The following SETD3 variants were observed in gnomAD, a reference collection of about 807,000 sequenced individuals.
SETD3 encodes actin-histidine N-methyltransferase.
SETD3 carries 19 observed loss-of-function variants against 63.0 expected under a neutral mutation model. That is an observed-to-expected ratio of 0.30 (90% CI 0.21 to 0.44). The LOEUF is 0.44. SETD3 is among the 20% of genes least tolerant of loss of function. The probability of loss-of-function intolerance (pLI) is 1.00; values close to 1 mark genes in which losing one functional copy is unlikely to be tolerated. For missense variants in SETD3, 587 were observed against 728.5 expected (o/e 0.81, Z 2.24); for synonymous variants, 286 against 264.1 (o/e 1.08, Z -0.80).
At chr14:99,410,027 G>C (rs1430528148) in intron 8 of SETD3, 2 of 541,824 alleles carry the variant, frequency 3.7e-6, no homozygotes, top group Non-Finnish European at 6.7e-6. Flanking sequence ...GAAACAAGCG[G>C]ATCTGGACAA....
chr14:99,455,252 C>T (rs1230625295), intron 6 of SETD3, among the ~76,000 whole-genome samples: 2 of 152,216 alleles, frequency 1.3e-5, no homozygotes, highest in Non-Finnish European at 2.9e-5. Context: ...ATGCTCCTTC[C>T]TGTGAAGTCC....
chr14:99,479,314 T>C (rs1487906051), intron 1 of SETD3, among the ~76,000 whole-genome samples: 1 of 152,176 alleles, frequency 6.6e-6, no homozygotes, highest in Non-Finnish European at 1.5e-5. Flanking sequence ...GAAGAAAAAC[T>C]CCTCGGTAAA....
chr14:99,415,986 A>T (rs1892271067), intron 6 of SETD3, among the ~76,000 whole-genome samples: 2 of 152,208 alleles, frequency 1.3e-5, no homozygotes, highest in Non-Finnish European at 2.9e-5. Context: ...GCTTATCAAA[A>T]ACAGCTACTA....
intron 6 of SETD3, among the ~76,000 whole-genome samples, chr14:99,445,045 T>C (rs1371196641): frequency 6.6e-6 from 1 of 152,116 alleles, no homozygotes; most frequent in African/African-American, 2.4e-5. Context: ...TCAAAAACAG[T>C]GTTCAGGCCA....
At chr14:99,460,450 C>T (rs898675117) in intron 4 of SETD3, among the ~76,000 whole-genome samples, 3 of 152,062 alleles carry the variant, frequency 2.0e-5, no homozygotes, top group African/African-American at 7.2e-5. Context: ...ATCCCCACCG[C>T]CCTCCCCACA....
chr14:99,444,222 A>G (rs147596067), intron 6 of SETD3: 1 of 152,208 alleles, frequency 6.6e-6, no homozygotes, highest in Non-Finnish European at 1.5e-5. Flanking sequence ...GCCATTCACA[A>G]GGCTATTTCA....
chr14:99,414,589 A>G (rs1172272139), intron 6 of SETD3, among the ~76,000 whole-genome samples: 1 of 152,252 alleles, frequency 6.6e-6, no homozygotes, highest in Non-Finnish European at 1.5e-5. Context: ...TTTAAATTTT[A>G]CTTCTTTCCT....
chr14:99,465,848 C>T, intron 1 of SETD3, 35 bp from the exon 2 acceptor site: 11 of 1,439,636 alleles, frequency 7.6e-6, no homozygotes, highest in Non-Finnish European at 1.1e-5. Flanking sequence ...AAAAAAATTA[C>T]ATTACCAAAG....
chr14:99,405,481 G>A, intron 9 of SETD3, 110 bp from the exon 10 acceptor site: 1 of 1,139,570 alleles, frequency 8.8e-7, no homozygotes, highest in Non-Finnish European at 1.2e-6. Flanking sequence ...ACACTAAATA[G>A]CTGAAAGTAT....
chr14:99,461,375 C>T, intron 3 of SETD3, 35 bp from the exon 4 acceptor site: 1 of 1,597,442 alleles, frequency 6.3e-7, no homozygotes, highest in Non-Finnish European at 8.5e-7. Context: ...ACAAGAGCTA[C>T]TTTTAGGACA....
chr14:99,483,894 T>C (rs962552527), upstream of SETD3, among the ~76,000 whole-genome samples: 4 of 152,216 alleles, frequency 2.6e-5, no homozygotes, highest in Non-Finnish European at 4.4e-5. Context: ...AGCGTGATTC[T>C]CAAGTTAATA....
At chr14:99,432,303 A>G (rs1004599765) in intron 6 of SETD3, among the ~76,000 whole-genome samples, 1 of 152,230 alleles carries the variant, frequency 6.6e-6, no homozygotes, top group African/African-American at 2.4e-5. Flanking sequence ...TCTGAATTGA[A>G]TATTTTGTGC....
In SETD3 at chr14:99,480,798, C is replaced by A; in HGVS notation, c.-79G>T. 1 of 161,872 alleles carries A rather than the reference C, an allele frequency of 6.2e-6. No homozygotes were observed. Among genetic ancestry groups the A allele is most frequent in the Non-Finnish European group, 1.3e-5 (1 of 76,864 alleles). 10.0% of individuals were successfully genotyped at this position (161,872 alleles called of 1,614,324 possible). A position where few individuals can be genotyped will look rare whatever the true frequency, so the allele number is the denominator to read the frequency against. ...GACCCCGCCGTCCGCCTCAACCAAC[C>A]CCCAGGCGGTGGCGGCGGTGGCGGC... is the stretch of plus-strand genomic sequence containing the variant. On this transcript the variant is annotated 5_prime_UTR_variant, in exon 1 of 13. Coordinates refer to ENST00000331768, the MANE Select transcript of SETD3 (RefSeq NM_032233.3).
intron 6 of SETD3, among the ~76,000 whole-genome samples, chr14:99,454,854 A>AC (rs1316303561): frequency 1.3e-5 from 2 of 152,072 alleles, no homozygotes; most frequent in African/African-American, 4.8e-5. Flanking sequence ...AGGGAGCTTC[A>AC]CCCCACCATT....
intron 6 of SETD3, among the ~76,000 whole-genome samples, chr14:99,427,203 C>T (rs892214208): frequency 1.3e-5 from 2 of 152,212 alleles, no homozygotes; most frequent in Admixed American, 6.5e-5. Context: ...GCACATGATG[C>T]TGACAAGGAA....
At position 99,413,891 on chromosome 14, in the gene SETD3, G is replaced by C. The variant is rs766014017; in HGVS notation, c.719C>G (p.Thr240Ser). The change falls in exon 7 of 13, where the codon ACT (threonine) becomes AGT (serine). Residue 240 changes from threonine to serine, a missense_variant. Thr to Ser is a moderately conservative substitution (Grantham distance 58, BLOSUM62 1). Coordinates refer to ENST00000331768, the MANE Select transcript of SETD3 (RefSeq NM_032233.3). ...CCACACCAACCTGTAGTCCTCGTAA[G>C]TGAAAGAATCCTTCAAGGGTAGTTT... ...ANKLPLKDSF[T>S]YEDYRWAVSS... is the part of the protein sequence containing the mutation. 8.7e-6 allele frequency: 14 copies of C among 1,614,058 alleles called. No individual in the cohort carries two copies. The East Asian group carries it at 3.1e-4, about 36-fold the overall frequency.
chr14:99,433,750 A>C (rs988383893), intron 6 of SETD3, among the ~76,000 whole-genome samples: 1 of 152,208 alleles, frequency 6.6e-6, no homozygotes, highest in Non-Finnish European at 1.5e-5. Context: ...AAAATTCTTT[A>C]ATGAGCGTAA....
At chr14:99,459,559 C>T (rs902755036) in intron 4 of SETD3, among the ~76,000 whole-genome samples, 1 of 152,162 alleles carries the variant, frequency 6.6e-6, no homozygotes, top group Non-Finnish European at 1.5e-5. Context: ...AAACAAAATT[C>T]CTGCCTCCAA....
chr14:99,431,229 T>C (rs1472078161), intron 6 of SETD3, among the ~76,000 whole-genome samples: 1 of 152,222 alleles, frequency 6.6e-6, no homozygotes, highest in Non-Finnish European at 1.5e-5. Context: ...TGAAGATTTA[T>C]ACTTCATGAA....
Sources: allele counts gnomAD v4.1 joint callset (sites outside exome capture counted in the v4.1 genomes callset), GRCh38; gene constraint gnomAD v4.1.1; transcripts MANE v1.5; gene names NCBI Gene and HGNC (gene_info 2026-07-23, HGNC 2026-07-21).